SERPINF1: variants seen among roughly 807,000 people sequenced by gnomAD.
The protein encoded by SERPINF1 is pigment epithelium-derived factor.
Under a neutral mutation model 37.3 loss-of-function variants are expected in SERPINF1, and 29 were observed. The ratio of observed to expected loss-of-function variants is 0.78; its 90% CI spans 0.58 to 1.06. The LOEUF (loss-of-function observed/expected upper bound fraction) is 1.06. Among genes scored for constraint, SERPINF1 ranks in the 50% least tolerant of loss-of-function variants. The probability of loss-of-function intolerance (pLI) is 0.00; values close to 1 mark genes in which losing one functional copy is unlikely to be tolerated. For missense variants in SERPINF1, 553 were observed against 532.2 expected (o/e 1.04, Z -0.38); for synonymous variants, 281 against 227.9 (o/e 1.23, Z -2.10).
chr17:1,763,345 CTG>C (rs982665898), intron 1 of SERPINF1, among the ~76,000 whole-genome samples: 2 of 152,224 alleles, frequency 1.3e-5, no homozygotes, highest in African/African-American at 4.8e-5. Context: ...ACAAAAGCTT[CTG>C]TGTTTCTTGA....
Position 1,775,121 on chromosome 17 carries a change from A to G in SERPINF1, c.707A>G (p.Glu236Gly). Reference sequence around the variant, plus strand: ...CTCGAGGATTTCTACTTGGATGAAGAGAGGACCGTGAGGGTCCCCATGATG... The same window carrying G: ...CTCGAGGATTTCTACTTGGATGAAGGGAGGACCGTGAGGGTCCCCATGATG... ...TSLEDFYLDE[E>G]RTVRVPMMSD... is the part of the protein sequence containing the mutation. The change falls in exon 6 of 8, where the codon GAG (glutamate) becomes GGG (glycine). Residue 236 changes from glutamate (E) to glycine (G), a missense_variant. Glu to Gly is a moderately conservative substitution (Grantham distance 98). Transcript: ENST00000254722. The G allele has an allele frequency of 2.5e-6, 4 of 1,613,952 alleles. No homozygotes were observed. The East Asian group carries it at 8.9e-5, about 36-fold the overall frequency.
intron 4 of SERPINF1, 109 bp from the exon 5 acceptor site, chr17:1,771,763 A>T: frequency 3.9e-6 from 4 of 1,015,310 alleles, no homozygotes; most frequent in Middle Eastern, 6.0e-4. Context: ...CTGGCTGGGA[A>T]GTCAGGGCCT....
chr17:1,765,002 C>T (rs1490974247), intron 1 of SERPINF1, among the ~76,000 whole-genome samples: 1 of 151,806 alleles, frequency 6.6e-6, no homozygotes, highest in Non-Finnish European at 1.5e-5. Flanking sequence ...CGCCACCACA[C>T]CCGGCTAATT....
At chr17:1,773,580 G>A (rs1378325660) in intron 5 of SERPINF1, among the ~76,000 whole-genome samples, 2 of 152,214 alleles carry the variant, frequency 1.3e-5, no homozygotes, top group African/African-American at 4.8e-5. Context: ...AGCTCTGCCT[G>A]TACTAGCTGA....
intron 4 of SERPINF1, 111 bp from the exon 5 acceptor site, chr17:1,771,761 G>A (rs1215771978): frequency 9.9e-7 from 1 of 1,005,302 alleles, no homozygotes; most frequent in African/African-American, 1.6e-5. Flanking sequence ...TGCTGGCTGG[G>A]AAGTCAGGGC....
At chr17:1,763,346 T>C (rs1204274283) in intron 1 of SERPINF1, among the ~76,000 whole-genome samples, 1 of 152,202 alleles carries the variant, frequency 6.6e-6, no homozygotes, top group Non-Finnish European at 1.5e-5. Flanking sequence ...CAAAAGCTTC[T>C]GTGTTTCTTG....
Position 1,776,558 on chromosome 17 carries a change from C to T in SERPINF1, c.813C>T (p.Ser271=), listed in dbSNP as rs1275823009. ...TTGCCCAGCTGCCCTTGACCGGAAG[C>T]ATGAGTATCATCTTCTTCCTGCCCC... ...CKIAQLPLTG[S]MSIIFFLPLK... The change falls in exon 7 of 8, where the codon AGC becomes AGT. Residue 271 remains serine, a synonymous_variant. Transcript: ENST00000254722. 1.2e-6 allele frequency: 2 copies of T among 1,614,080 alleles called. No homozygotes were observed. Among genetic ancestry groups the T allele is most frequent in the Admixed American group, 1.7e-5 (1 of 60,012 alleles).
Position 1,776,620 on chromosome 17 carries a change from G to A in SERPINF1, c.875G>A (p.Ser292Asn). ...CAGAATTTGACCTTGATAGAGGAGA[G>A]CCTCACCTCCGAGTTCATTCATGAC... ...VTQNLTLIEE[S>N]LTSEFIHDID... The change falls in exon 7 of 8, where the codon AGC becomes AAC. Residue 292 changes from serine to asparagine, a missense_variant. Physicochemically the swap from Ser to Asn is conservative, Grantham distance 46 (BLOSUM62 1). Coordinates refer to ENST00000254722, the MANE Select transcript of SERPINF1 (RefSeq NM_002615.7). 1 of 1,614,024 alleles carries A rather than the reference G, an allele frequency of 6.2e-7. No homozygotes were observed. The highest frequency in any genetic ancestry group is 1.3e-5 in the African/African-American group (1 of 74,990).
chr17:1,770,117 G>C (rs1567754349), intron 3 of SERPINF1, 67 bp downstream of exon 3: 1 of 1,551,004 alleles, frequency 6.4e-7, no homozygotes, highest in South Asian at 1.1e-5. Flanking sequence ...CTGCGTAAAC[G>C]TGGCTGAGTT....
rs755633226 is a variant in SERPINF1, at chr17:1,776,557, G to C, written c.812G>C (p.Ser271Thr). The change falls in exon 7 of 8, where the codon AGC becomes ACC. Residue 271 changes from serine (S) to threonine (T), a missense_variant. Physicochemically the swap from Ser to Thr is moderately conservative, Grantham distance 58. Transcript: ENST00000254722. ...ATTGCCCAGCTGCCCTTGACCGGAA[G>C]CATGAGTATCATCTTCTTCCTGCCC... ...CKIAQLPLTG[S>T]MSIIFFLPLK... is the part of the protein sequence containing the mutation. The C allele has an allele frequency of 4.3e-6, 7 of 1,613,934 alleles. No homozygotes were observed. Among genetic ancestry groups the C allele is most frequent in the Non-Finnish European group, 5.9e-6 (7 of 1,180,040 alleles).
At chr17:1,774,784 C>T (rs1354440178) in intron 5 of SERPINF1, among the ~76,000 whole-genome samples, 1 of 152,166 alleles carries the variant, frequency 6.6e-6, no homozygotes, top group Non-Finnish European at 1.5e-5. Context: ...TTCCTGCAGG[C>T]TATCACAGAA....
At position 1,774,774 on chromosome 17, in the gene SERPINF1, T is replaced by G. The variant is rs552163720; in HGVS notation, c.644-284T>G. Among the ~76,000 whole-genome samples the G allele has an allele frequency of 8.5e-4, 130 of 152,322 alleles. 1 individual carries two copies. The highest frequency in any genetic ancestry group is 2.9e-3 in the African/African-American group (121 of 41,578). Reference sequence around the variant, plus strand: ...ACCATGCCCGGCTACCACTTTACTTTTCCTGCAGGCTATCACAGAACGTGT... The same window carrying G: ...ACCATGCCCGGCTACCACTTTACTTGTCCTGCAGGCTATCACAGAACGTGT... On this transcript the variant is annotated intron_variant, in intron 5 of 7. Coordinates refer to ENST00000254722, the MANE Select transcript of SERPINF1 (RefSeq NM_002615.7).
At chr17:1,775,606 G>C (rs1400104242) in intron 6 of SERPINF1, among the ~76,000 whole-genome samples, 4 of 150,122 alleles carry the variant, frequency 2.7e-5, no homozygotes, top group African/African-American at 7.5e-5. Flanking sequence ...GCAGTGGCAC[G>C]ATCTCGGCTC....
At chr17:1,772,470 C>G (rs1397373265) in intron 5 of SERPINF1, among the ~76,000 whole-genome samples, 1 of 152,116 alleles carries the variant, frequency 6.6e-6, no homozygotes, top group African/African-American at 2.4e-5. Context: ...AGGCTGGTCT[C>G]GAACTCCTGG....
At chr17:1,774,493 C>T (rs148818863) in intron 5 of SERPINF1, among the ~76,000 whole-genome samples, 1 of 152,220 alleles carries the variant, frequency 6.6e-6, no homozygotes, top group African/African-American at 2.4e-5. Context: ...GCACCACACC[C>T]GGCCATTTTT....
At position 1,766,630 on chromosome 17, in the gene SERPINF1, C is replaced by T. The variant is rs576727681; in HGVS notation, c.-8-273C>T. On this transcript the variant is annotated intron_variant, in intron 1 of 7. Transcript: ENST00000254722. ...TTAGGCTTAAAGGAGGGTCCCCTGA[C>T]GCAGACAGTGGAACAAAAGCACAAG... The T allele has an allele frequency of 8.1e-5, 28 of 347,776 alleles. No homozygotes were observed. In the South Asian group the frequency reaches 9.2e-4, roughly 11 times the overall value. 21.5% of individuals were successfully genotyped at this position (347,776 alleles called of 1,614,324 possible). A position where few individuals can be genotyped will look rare whatever the true frequency, so the allele number is the denominator to read the frequency against.
chr17:1,764,708 C>CCA (rs1407033236), intron 1 of SERPINF1, among the ~76,000 whole-genome samples: 3 of 152,194 alleles, frequency 2.0e-5, no homozygotes, highest in African/African-American at 7.2e-5. Context: ...ATTTTCTGAT[C>CCA]CACTTTGTTC....
chr17:1,773,948 C>G (rs1907886794), intron 5 of SERPINF1, among the ~76,000 whole-genome samples: 1 of 152,194 alleles, frequency 6.6e-6, no homozygotes, highest in South Asian at 2.1e-4. Context: ...CTTCCTACTT[C>G]AAGCACTGAT....
At chr17:1,773,908 G>A (rs953525716) in intron 5 of SERPINF1, among the ~76,000 whole-genome samples, 12 of 152,130 alleles carry the variant, frequency 7.9e-5, no homozygotes, top group Admixed American at 6.6e-5. Flanking sequence ...CAGCAAGAGC[G>A]GCCCCCGAGC....
Sources: gnomAD v4.1 joint callset for allele counts (sites outside exome capture counted in the v4.1 genomes callset) on GRCh38, gnomAD v4.1.1 for gene constraint, MANE v1.5 for transcripts, NCBI Gene and HGNC (gene_info 2026-07-23, HGNC 2026-07-21) for gene names.